CTNND2: variants seen among roughly 807,000 people sequenced by gnomAD.
CTNND2 encodes the protein catenin delta-2.
Under a neutral mutation model 144.4 loss-of-function variants are expected in CTNND2, and 22 were observed. The ratio of observed to expected loss-of-function variants is 0.15; its 90% CI spans 0.11 to 0.22. The LOEUF (loss-of-function observed/expected upper bound fraction) is 0.22. Among genes scored for constraint, CTNND2 ranks in the 10% least tolerant of loss-of-function variants. The pLI is 1.00. For synonymous variants in CTNND2, 751 were observed against 695.6 expected, an observed-to-expected ratio of 1.08 and a Z score of -1.25; for missense variants, 1,353 against 1,618.8, an observed-to-expected ratio of 0.84 and a Z score of 2.82.
At chr5:11,134,937 G>A (rs546946901) in intron 12 of CTNND2, among the ~76,000 whole-genome samples, 23 of 152,338 alleles carry the variant, frequency 1.5e-4, no homozygotes, top group African/African-American at 5.1e-4. Context: ...ACTTTGAGGA[G>A]CCACAGAGCA....
At chr5:11,228,353 C>CAA (rs564048343) in intron 10 of CTNND2, among the ~76,000 whole-genome samples, 269 of 26,614 alleles carry the variant, frequency 0.01, 18 homozygotes, top group East Asian at 0.015. Flanking sequence ...CTCTCTCTCT[C>CAA]AAAAAAAAAA....
intron 1 of CTNND2, among the ~76,000 whole-genome samples, chr5:11,740,421 C>G (rs545846203): frequency 6.6e-6 from 1 of 152,122 alleles, no homozygotes; most frequent in South Asian, 2.1e-4. Context: ...ACAAACCTGA[C>G]AAAAACAAGA....
At chr5:11,714,074 C>T (rs1346902275) in intron 2 of CTNND2, among the ~76,000 whole-genome samples, 1 of 152,142 alleles carries the variant, frequency 6.6e-6, no homozygotes, top group Non-Finnish European at 1.5e-5. Flanking sequence ...TATATGTTTG[C>T]TGTGAGTGAT....
At chr5:11,574,356 G>A (rs1777806648) in intron 2 of CTNND2, among the ~76,000 whole-genome samples, 1 of 152,102 alleles carries the variant, frequency 6.6e-6, no homozygotes, top group Admixed American at 6.6e-5. Context: ...ACTTAGAGAT[G>A]TTAAGTAGCT....
chr5:11,829,270 T>C lies in CTNND2; in HGVS notation c.37+74547A>G, dbSNP rs113994508. On this transcript the variant is annotated intron_variant, in intron 1 of 21. Transcript: ENST00000304623. ...AGCTTCTGGCAGAAATTTATATAAGTAATGAACAGCCAAATGTTAATCACC... is the reference window on the plus strand; with the variant it reads ...AGCTTCTGGCAGAAATTTATATAAGCAATGAACAGCCAAATGTTAATCACC... Among the ~76,000 whole-genome samples, 323 of 152,314 alleles carry C rather than the reference T, an allele frequency of 2.1e-3. 1 individual carries two copies. The highest frequency in any genetic ancestry group is 4.0e-3 in the Non-Finnish European group (269 of 68,026).
chr5:11,147,163 T>C (rs1276702171), intron 12 of CTNND2, among the ~76,000 whole-genome samples: 1 of 152,206 alleles, frequency 6.6e-6, no homozygotes, highest in Non-Finnish European at 1.5e-5. Context: ...GATCGTCATG[T>C]ACGTGAGAAT....
chr5:11,275,432 G>A (rs1746428705), intron 9 of CTNND2, among the ~76,000 whole-genome samples: 1 of 152,214 alleles, frequency 6.6e-6, no homozygotes, highest in Non-Finnish European at 1.5e-5. Context: ...CACTGAGAGA[G>A]AAGGATGGAA....
intron 3 of CTNND2, among the ~76,000 whole-genome samples, chr5:11,492,989 T>G (rs944429964): frequency 6.6e-6 from 1 of 152,156 alleles, no homozygotes; most frequent in South Asian, 2.1e-4. Flanking sequence ...GGAGAATTGC[T>G]TGAACCTGGG....
intron 3 of CTNND2, among the ~76,000 whole-genome samples, chr5:11,467,128 A>T (rs997355908): frequency 1.9e-4 from 29 of 152,230 alleles, no homozygotes; most frequent in African/African-American, 6.8e-4. Context: ...CCATACCATC[A>T]TCTGTAAGAG....
At chr5:11,412,173 C>T (rs1581139618) in intron 3 of CTNND2, 104 bp from the exon 4 acceptor site, 10 of 766,668 alleles carry the variant, frequency 1.3e-5, no homozygotes, top group East Asian at 7.5e-5. Flanking sequence ...ACAGTGGCCC[C>T]GTTGCATTTC....
chr5:11,501,493 T>A (rs1167760808), intron 3 of CTNND2, among the ~76,000 whole-genome samples: 1 of 152,230 alleles, frequency 6.6e-6, no homozygotes, highest in Non-Finnish European at 1.5e-5. Flanking sequence ...AAACCCTGCA[T>A]CTCAACACTG....
chr5:11,656,623 G>T lies in CTNND2; in HGVS notation c.174+75513C>A, dbSNP rs531543944. Among the ~76,000 whole-genome samples, 11 of 152,146 alleles carry T rather than the reference G, an allele frequency of 7.2e-5. 1 individual carries two copies. Among genetic ancestry groups the T allele is most frequent in the South Asian group, 6.2e-4 (3 of 4,824 alleles). Reference sequence around the variant, plus strand: ...ATAACTCATGCTCCTACTGATCCACGAACAGTGGAAACTCATTGACAGGAA... The same window carrying T: ...ATAACTCATGCTCCTACTGATCCACTAACAGTGGAAACTCATTGACAGGAA... On this transcript the variant is annotated intron_variant, in intron 2 of 21. Transcript: ENST00000304623.
At chr5:11,793,753 A>G (rs1410769642) in intron 1 of CTNND2, among the ~76,000 whole-genome samples, 5 of 152,218 alleles carry the variant, frequency 3.3e-5, no homozygotes, top group Admixed American at 3.3e-4. Flanking sequence ...TAAGTCACTC[A>G]GATTGTGGCA....
chr5:11,208,437 C>T (rs1044883135), intron 10 of CTNND2, among the ~76,000 whole-genome samples: 4 of 151,880 alleles, frequency 2.6e-5, no homozygotes, highest in African/African-American at 9.7e-5. Context: ...TCTAAAGCAC[C>T]AATATACAGA....
intron 3 of CTNND2, among the ~76,000 whole-genome samples, chr5:11,547,028 G>A (rs377469926): frequency 6.6e-6 from 1 of 152,158 alleles, no homozygotes; most frequent in Non-Finnish European, 1.5e-5. Flanking sequence ...CAGCACTTTC[G>A]GAGGCCGAAG....
Position 11,663,362 on chromosome 5 carries a change from A to C in CTNND2, c.174+68774T>G, listed in dbSNP as rs140865093. The stretch of plus-strand genomic sequence containing the variant: ...GAGTTTTCCATTCCTATCTGCAATC[A>C]ACATTTTAATATATACAGCCTGTCA... On this transcript the variant is annotated intron_variant, in intron 2 of 21. Transcript: ENST00000304623. Among the ~76,000 whole-genome samples, 794 of 152,340 alleles carry C rather than the reference A, an allele frequency of 5.2e-3. 6 individuals carry two copies. The highest frequency in any genetic ancestry group is 0.015 in the South Asian group (73 of 4,830).
intron 1 of CTNND2, among the ~76,000 whole-genome samples, chr5:11,803,367 C>T (rs1339364227): frequency 6.6e-6 from 1 of 151,890 alleles, no homozygotes; most frequent in Non-Finnish European, 1.5e-5. Context: ...AGAGGGGTCA[C>T]TGAGAAATTT....
At chr5:11,840,500 T>C (rs1038361315) in intron 1 of CTNND2, among the ~76,000 whole-genome samples, 2 of 152,224 alleles carry the variant, frequency 1.3e-5, no homozygotes, top group African/African-American at 4.8e-5. Context: ...TCTATGGTTT[T>C]ATATTTTTCA....
chr5:11,364,522 A>T, intron 8 of CTNND2, 174 bp downstream of exon 8: 1 of 501,142 alleles, frequency 2.0e-6, no homozygotes, highest in Non-Finnish European at 3.4e-6. Context: ...AGCCTGAATT[A>T]AAGTCATATT....
Sources: gnomAD v4.1 joint callset for allele counts (sites outside exome capture counted in the v4.1 genomes callset) on GRCh38, gnomAD v4.1.1 for gene constraint, MANE v1.5 for transcripts, NCBI Gene and HGNC (gene_info 2026-07-23, HGNC 2026-07-21) for gene names.